Variants in SLC12A4 observed in about 807,000 individuals in gnomAD.
The protein encoded by SLC12A4 is electroneutral potassium-chloride cotransporter 1.
Under a neutral mutation model 119.2 loss-of-function variants are expected in SLC12A4, and 84 were observed. The observed-to-expected ratio is 0.70, with a 90% CI of 0.59 to 0.85. SLC12A4 has a LOEUF of 0.85. Among genes scored for constraint, SLC12A4 ranks in the 40% least tolerant of loss-of-function variants. The probability of loss-of-function intolerance (pLI) is 0.00; values close to 1 mark genes in which losing one functional copy is unlikely to be tolerated. For missense variants in SLC12A4, 1,298 were observed against 1,476.3 expected (o/e 0.88, Z 1.98); for synonymous variants, 599 against 604.6 (o/e 0.99, Z 0.14).
intron 5 of SLC12A4, chr16:67,957,421 G>C: frequency 3.7e-6 from 1 of 271,682 alleles, no homozygotes; most frequent in South Asian, 4.1e-5. Flanking sequence ...CACCCACCTC[G>C]GCCTCCCAAA....
At chr16:67,964,067 C>G in intron 1 of SLC12A4, 1 of 1,541,764 alleles carries the variant, frequency 6.5e-7, no homozygotes, top group Non-Finnish European at 8.8e-7. Context: ...CCATGCACTG[C>G]GCGGGGGGCG....
chr16:67,957,125 C>T (rs2030306466), intron 5 of SLC12A4, among the ~76,000 whole-genome samples: 1 of 151,840 alleles, frequency 6.6e-6, no homozygotes, highest in South Asian at 2.1e-4. Context: ...GCCTCAGCCT[C>T]CCAAGTAGCT....
Position 67,951,164 on chromosome 16 carries a change from C to A in SLC12A4, c.1273G>T (p.Gly425Cys). 6.2e-7 allele frequency: 1 copy of A among 1,613,958 alleles called. No individual in the cohort carries two copies. Among genetic ancestry groups the A allele is most frequent in the South Asian group, 1.1e-5 (1 of 91,084 alleles). Reference protein sequence around the residue: ...DIATSFTVLVGIFFPSVTGIM... With the variant: ...DIATSFTVLVCIFFPSVTGIM... ...CCTGTTACAGAAGGGAAGAAGATGC[C>A]GACCAGCACGGTGAAGGATGTGGCG... The change falls in exon 9 of 24, where the codon GGC (glycine) becomes TGC (cysteine). Residue 425 changes from glycine to cysteine, a missense_variant. Transcript: ENST00000316341. This position sits in a 1 kb window ranked among gnomAD's most constrained non-coding sequence, Gnocchi z 5.2.
rs768354132 is a variant in SLC12A4 at position 67,946,639 on chromosome 16, G to C, written c.2242-6C>G. 1 of 1,608,182 alleles carries C rather than the reference G, an allele frequency of 6.2e-7. No individual in the cohort carries two copies. Among genetic ancestry groups the C allele is most frequent in the Admixed American group, 1.7e-5 (1 of 59,900 alleles). ...TCCATCATGTTCTTGATGGTCTGTG[G>C]GGAACACACCCAGGGCCAATGGGAG... On this transcript the variant is annotated splice_polypyrimidine_tract_variant and splice_region_variant and intron_variant, in intron 17 of 23. Coordinates refer to ENST00000316341, the MANE Select transcript of SLC12A4 (RefSeq NM_005072.5).
intron 14 of SLC12A4, 100 bp downstream of exon 14, chr16:67,947,961 C>A: frequency 6.7e-7 from 1 of 1,488,300 alleles, no homozygotes; most frequent in Non-Finnish European, 9.4e-7. Flanking sequence ...ATCTCCCTCC[C>A]CACAGTGTTT....
At position 67,961,653 on chromosome 16, in the gene SLC12A4, G is replaced by C; in HGVS notation, c.264C>G (p.Ser88Arg). The C allele has an allele frequency of 6.2e-7, 1 of 1,614,194 alleles. No homozygotes were observed. Among genetic ancestry groups the C allele is most frequent in the Non-Finnish European group, 8.5e-7 (1 of 1,180,026 alleles). ...TGGCGCCCTGGGTGAGGTTGGTGTAGCTGACGAGCTTTCCCAGAAGAGACG... is the reference window on the plus strand; with the variant it reads ...TGGCGCCCTGGGTGAGGTTGGTGTACCTGACGAGCTTTCCCAGAAGAGACG... ...KVSSLLGKLV[S>R]YTNLTQGAKE... The change falls in exon 3 of 24, where the codon AGC becomes AGG. Residue 88 changes from serine to arginine, a missense_variant. By Grantham distance (110) the Ser-to-Arg change is moderately radical. Transcript: ENST00000316341.
In SLC12A4 at chr16:67,950,678, A is replaced by G. The variant is rs564270613; in HGVS notation, c.1430T>C (p.Ile477Thr). The G allele has an allele frequency of 1.2e-5, 20 of 1,612,530 alleles. No homozygotes were observed. In the East Asian group the frequency reaches 2.5e-4, roughly 20 times the overall value. The change falls in exon 11 of 24, where the codon ATT becomes ACT. Residue 477 changes from isoleucine (I) to threonine (T), a missense_variant. Physicochemically the swap from Ile to Thr is moderately conservative, Grantham distance 89. Transcript: ENST00000316341. The surrounding 1 kb of genome is among the most constrained non-coding windows in gnomAD (Gnocchi z 4.3). Reference protein sequence around the residue: ...FSSVVLFGACIEGVVLRDKYG... With the variant: ...FSSVVLFGACTEGVVLRDKYG... ...CTTGTCCCGGAGAACCACACCCTCAATGCAGGCACCAAAGAGAACCACACT... is the reference window on the plus strand; with the variant it reads ...CTTGTCCCGGAGAACCACACCCTCAGTGCAGGCACCAAAGAGAACCACACT...
chr16:67,967,291 C>T (rs1393312790), intron 1 of SLC12A4, among the ~76,000 whole-genome samples: 8 of 152,218 alleles, frequency 5.3e-5, no homozygotes, highest in Non-Finnish European at 1.5e-5. Context: ...GTCCAGACAA[C>T]GTCACCTGAC....
chr16:67,949,637 T>A lies in SLC12A4; in HGVS notation c.1748+163A>T, dbSNP rs1009801714. On this transcript the variant is annotated intron_variant, in intron 13 of 23. Coordinates refer to ENST00000316341, the MANE Select transcript of SLC12A4 (RefSeq NM_005072.5). This position sits in a 1 kb window ranked among gnomAD's most constrained non-coding sequence, Gnocchi z 4.6. ...ATAGCTTTGGCATAGGTGCCAGGCT[T>A]GCTCCTAAATGCAGGGGTGGGCTGA... 8.8e-6 allele frequency: 5 copies of A among 571,362 alleles called. No homozygotes were observed. The highest frequency in any genetic ancestry group is 1.5e-5 in the Non-Finnish European group (5 of 323,880). 35.4% of individuals were successfully genotyped at this position (571,362 alleles called of 1,614,324 possible). A position where few individuals can be genotyped will look rare whatever the true frequency, so the allele number is the denominator to read the frequency against.
chr16:67,954,843 G>A, intron 5 of SLC12A4, 70 bp from the exon 6 acceptor site: 1 of 1,591,586 alleles, frequency 6.3e-7, no homozygotes, highest in South Asian at 1.1e-5. Context: ...CCTGTGACAA[G>A]CCTGCACAAC....
chr16:67,967,303 C>T (rs1382403739), intron 1 of SLC12A4, among the ~76,000 whole-genome samples: 2 of 152,340 alleles, frequency 1.3e-5, no homozygotes, highest in South Asian at 2.1e-4. Context: ...TCACCTGACA[C>T]GTGTCAACCA....
Position 67,946,520 on chromosome 16 carries a change from G to A in SLC12A4, c.2355C>T (p.Gly785=), listed in dbSNP as rs1448444781. The change falls in exon 18 of 24, where the codon GGC becomes GGT. Residue 785 remains glycine, a synonymous_variant. Transcript: ENST00000316341. ...AHLIQSCGLG[G]MRHNSVVLGW... ...CCAGCACCACGGAGTTATGCCGCAT[G>A]CCTCCCAGGCCACAGGACTGGATGA... 1.2e-6 allele frequency: 2 copies of A among 1,610,428 alleles called. No individual in the cohort carries two copies. Among genetic ancestry groups the A allele is most frequent in the East Asian group, 2.2e-5 (1 of 44,884 alleles).
rs751566564 is a variant in SLC12A4, at chr16:67,963,416, T to A, written c.210+49A>T. 22 of 1,335,494 alleles carry A rather than the reference T, an allele frequency of 1.6e-5. No individual in the cohort carries two copies. In the African/African-American group the frequency reaches 3.2e-4, roughly 19 times the overall value. 82.7% of individuals were successfully genotyped at this position (1,335,494 alleles called of 1,614,324 possible). ...CACGTGTCCAGCCTGCCTGCTTAGCTAAAGCCTCTGTGTGCCAAACCTGTG... is the reference window on the plus strand; with the variant it reads ...CACGTGTCCAGCCTGCCTGCTTAGCAAAAGCCTCTGTGTGCCAAACCTGTG... On this transcript the variant is annotated intron_variant, in intron 2 of 23. Coordinates refer to ENST00000316341, the MANE Select transcript of SLC12A4 (RefSeq NM_005072.5).
At chr16:67,947,944 C>T (rs1347603070) in intron 14 of SLC12A4, 117 bp downstream of exon 14, 5 of 1,465,776 alleles carry the variant, frequency 3.4e-6, no homozygotes. Flanking sequence ...TCCCCCGCAG[C>T]CCTATAATCT....
At chr16:67,968,138 A>G (rs892758160) in intron 1 of SLC12A4, among the ~76,000 whole-genome samples, 1 of 152,194 alleles carries the variant, frequency 6.6e-6, no homozygotes, top group South Asian at 2.1e-4. Flanking sequence ...CCTGTCCCCA[A>G]GCCGGGCGGC....
rs996383529 is a variant in SLC12A4 at position 67,957,754 on chromosome 16, C to T, written c.532G>A (p.Gly178Ser). 2.5e-6 allele frequency: 4 copies of T among 1,613,506 alleles called. No individual in the cohort carries two copies. The highest frequency in any genetic ancestry group is 2.5e-6 in the Non-Finnish European group (3 of 1,180,028). ...GGCGCTCACTGACCTGGAACCACAC[C>T]GTTGGTGGCGATGGCACTCATGGAG... The part of the protein sequence containing the change: ...AISMSAIATN[G>S]VVPAGGSYFM... The change falls in exon 5 of 24, where the codon GGT becomes AGT. Residue 178 changes from glycine (G) to serine (S), a missense_variant. By Grantham distance (56) the Gly-to-Ser change is moderately conservative (BLOSUM62 0). Transcript: ENST00000316341.
intron 1 of SLC12A4, among the ~76,000 whole-genome samples, chr16:67,964,387 C>T (rs2030765697): frequency 6.6e-6 from 1 of 152,176 alleles, no homozygotes; most frequent in East Asian, 1.9e-4. Flanking sequence ...CCTGCCTCAA[C>T]TCCCAAAGCT....
chr16:67,964,042 C>T (rs1567427863), intron 1 of SLC12A4: 1 of 1,550,440 alleles, frequency 6.4e-7, no homozygotes, highest in East Asian at 2.4e-5. Flanking sequence ...CAAAGGTGGC[C>T]GGCTGGCTAC....
chr16:67,967,838 T>G (rs559364366), intron 1 of SLC12A4, among the ~76,000 whole-genome samples: 1 of 152,164 alleles, frequency 6.6e-6, no homozygotes, highest in African/African-American at 2.4e-5. Context: ...TTAACTCACT[T>G]CAAGTGCCTA....
Sources: allele counts gnomAD v4.1 joint callset (sites outside exome capture counted in the v4.1 genomes callset), GRCh38; gene constraint gnomAD v4.1.1; non-coding constraint Gnocchi (gnomAD v3.1); transcripts MANE v1.5; gene names NCBI Gene and HGNC (gene_info 2026-07-23, HGNC 2026-07-21).